The following AK5 variants were observed in gnomAD, a reference collection of about 807,000 sequenced individuals.
AK5 encodes the protein adenylate kinase isoenzyme 5.
In AK5, 27 loss-of-function variants were observed where a neutral mutation model predicts 69.5. The observed-to-expected ratio is 0.39, with a 90% CI of 0.29 to 0.54. The LOEUF is 0.54. Among genes scored for constraint, AK5 ranks in the 20% least tolerant of loss-of-function variants. AK5 has a pLI of 0.71. For missense variants in AK5, 531 were observed against 700.4 expected, an observed-to-expected ratio of 0.76 and a Z score of 2.73; for synonymous variants, 260 against 244.4, an observed-to-expected ratio of 1.06 and a Z score of -0.60.
At chr1:77,321,255 T>C (rs1374859707) in intron 5 of AK5, among the ~76,000 whole-genome samples, 4 of 152,164 alleles carry the variant, frequency 2.6e-5, no homozygotes, top group Non-Finnish European at 5.9e-5. Flanking sequence ...GCGGATCACC[T>C]GAGGTCAGGA....
chr1:77,432,376 A>G (rs536893826), intron 8 of AK5, among the ~76,000 whole-genome samples: 2 of 152,264 alleles, frequency 1.3e-5, no homozygotes, highest in South Asian at 4.1e-4. Context: ...GGCTAAGTCT[A>G]CCTGGAATTT....
chr1:77,401,615 T>C (rs2100548979), intron 6 of AK5, among the ~76,000 whole-genome samples: 1 of 152,326 alleles, frequency 6.6e-6, no homozygotes, highest in Middle Eastern at 3.4e-3. Flanking sequence ...TCAGTCCATT[T>C]AGGGTGTCTC....
At chr1:77,373,525 A>AGC in intron 6 of AK5, among the ~76,000 whole-genome samples, 1 of 152,148 alleles carries the variant, frequency 6.6e-6, no homozygotes, top group Non-Finnish European at 1.5e-5. Context: ...TCAGGAGTCG[A>AGC]GACCAGCCTG....
At chr1:77,423,560 C>CAATCT (rs1650994717) in intron 8 of AK5, among the ~76,000 whole-genome samples, 1 of 151,930 alleles carries the variant, frequency 6.6e-6, no homozygotes, top group African/African-American at 2.4e-5. Context: ...AACCCTTACC[C>CAATCT]CAAAGATTGG....
Position 77,391,429 on chromosome 1 carries a change from A to G in AK5, c.892-19552A>G, listed in dbSNP as rs1180744447. ...TACACACACATATATATGTATATAT[A>G]TACATATATACATATATGTGTGTGT... is the stretch of plus-strand genomic sequence containing the variant. On this transcript the variant is annotated intron_variant, in intron 6 of 13. Coordinates refer to ENST00000354567, the MANE Select transcript of AK5 (RefSeq NM_174858.3). 1.9e-4 allele frequency among the ~76,000 whole-genome samples: 23 copies of G among 121,168 alleles called. No individual in the cohort carries two copies. In the Admixed American group the frequency reaches 1.9e-3, roughly 10 times the overall value. 79.5% of individuals were successfully genotyped at this position (121,168 alleles called of 152,430 possible).
chr1:77,422,494 A>G lies in AK5; in HGVS notation c.1059+4779A>G, dbSNP rs1650882190. ...CTTATCAAAACACACTGACTGCTCCAGCCACACAAAGCCATTCTCAGGTCC... is the reference window on the plus strand; with the variant it reads ...CTTATCAAAACACACTGACTGCTCCGGCCACACAAAGCCATTCTCAGGTCC... On this transcript the variant is annotated intron_variant, in intron 8 of 13. Transcript: ENST00000354567. Among the ~76,000 whole-genome samples the G allele has an allele frequency of 2.0e-5, 3 of 152,194 alleles. No individual in the cohort carries two copies. The South Asian group carries it at 6.2e-4, about 32-fold the overall frequency.
At chr1:77,343,571 C>T (rs1477810531) in intron 6 of AK5, among the ~76,000 whole-genome samples, 1 of 152,050 alleles carries the variant, frequency 6.6e-6, no homozygotes, top group Admixed American at 6.6e-5. Flanking sequence ...AGCCGCTTTG[C>T]CTGATTCAGA....
intron 6 of AK5, among the ~76,000 whole-genome samples, chr1:77,386,553 G>GA (rs1648042728): frequency 6.6e-6 from 1 of 152,104 alleles, no homozygotes; most frequent in South Asian, 2.1e-4. Flanking sequence ...AAGGGTGGGG[G>GA]AAAATCATTA....
chr1:77,367,630 A>AATATATATGTT (rs1646992511), intron 6 of AK5, among the ~76,000 whole-genome samples: 2 of 56,018 alleles, frequency 3.6e-5, no homozygotes, highest in Admixed American at 2.8e-4. Flanking sequence ...TTATATATGT[A>AATATATATGTT]ATATATATGT....
chr1:77,526,465 CTTTTTTTTTTTT>C (rs917395853), intron 12 of AK5, among the ~76,000 whole-genome samples: 7 of 84,658 alleles, frequency 8.3e-5, no homozygotes, highest in Admixed American at 1.2e-4. Flanking sequence ...GAATAAAAGT[CTTTTTTTTTTTT>C]TTTTTTTTTT....
At chr1:77,312,631 A>G (rs965978427) in intron 5 of AK5, among the ~76,000 whole-genome samples, 2 of 144,750 alleles carry the variant, frequency 1.4e-5, no homozygotes, top group African/African-American at 2.6e-5. Context: ...AAAAAAAAAC[A>G]AAAAGTCCCT....
chr1:77,403,213 T>C (rs962769864), intron 6 of AK5, among the ~76,000 whole-genome samples: 35 of 152,284 alleles, frequency 2.3e-4, no homozygotes, highest in Admixed American at 2.0e-3. Context: ...GTCAGATGAG[T>C]AGGTTGCAAA....
In AK5 at chr1:77,377,070, C is replaced by T. The variant is rs185387313; in HGVS notation, c.892-33911C>T. Among the ~76,000 whole-genome samples, 7 of 152,328 alleles carry T rather than the reference C, an allele frequency of 4.6e-5. No individual in the cohort carries two copies. The East Asian group carries it at 5.8e-4, about 13-fold the overall frequency. On this transcript the variant is annotated intron_variant, in intron 6 of 13. Coordinates refer to ENST00000354567, the MANE Select transcript of AK5 (RefSeq NM_174858.3). The stretch of plus-strand genomic sequence containing the variant: ...ATGACAATAATTTGCCCCAGCAGTA[C>T]GAAGCAGATCCTCTCCCATCTTTTG...
At chr1:77,456,251 A>G (rs1653478514) in intron 8 of AK5, among the ~76,000 whole-genome samples, 1 of 152,198 alleles carries the variant, frequency 6.6e-6, no homozygotes. Flanking sequence ...TCCTCAGCTG[A>G]TTGAGCCCTG....
At chr1:77,484,810 A>C (rs149056045) in intron 9 of AK5, among the ~76,000 whole-genome samples, 17 of 152,364 alleles carry the variant, frequency 1.1e-4, no homozygotes, top group African/African-American at 3.8e-4. Flanking sequence ...GCATGTGTAT[A>C]TATAAGTATC....
At chr1:77,549,601 C>T (rs1659718673) in intron 13 of AK5, among the ~76,000 whole-genome samples, 2 of 152,138 alleles carry the variant, frequency 1.3e-5, no homozygotes, top group African/African-American at 4.8e-5. Flanking sequence ...TTCCCCCTCT[C>T]CCTTCCCAGA....
intron 8 of AK5, among the ~76,000 whole-genome samples, chr1:77,464,157 A>G (rs1299554828): frequency 6.6e-6 from 1 of 152,220 alleles, no homozygotes; most frequent in Non-Finnish European, 1.5e-5. Flanking sequence ...GCTTGCAGAC[A>G]ATTTGAATGG....
intron 2 of AK5, among the ~76,000 whole-genome samples, chr1:77,287,496 T>C (rs1658425283): frequency 6.6e-6 from 1 of 152,250 alleles, no homozygotes; most frequent in South Asian, 2.1e-4. Context: ...CAGTTCAGCA[T>C]TTTTTATTAG....
chr1:77,367,913 T>C (rs1432101738), intron 6 of AK5, among the ~76,000 whole-genome samples: 2 of 43,354 alleles, frequency 4.6e-5, no homozygotes, highest in African/African-American at 1.4e-4. Flanking sequence ...ATATATAAAA[T>C]ATATGTGATA....
Sources: allele counts gnomAD v4.1 joint callset (sites outside exome capture counted in the v4.1 genomes callset), GRCh38; gene constraint gnomAD v4.1.1; transcripts MANE v1.5; gene names NCBI Gene and HGNC (gene_info 2026-07-23, HGNC 2026-07-21).